Variants in HSPG2 observed in about 807,000 individuals in gnomAD.
HSPG2 encodes the protein basement membrane-specific heparan sulfate proteoglycan core protein.
Under a neutral mutation model 526.6 loss-of-function variants are expected in HSPG2, and 278 were observed. The ratio of observed to expected loss-of-function variants is 0.53; its 90% CI spans 0.48 to 0.58. The LOEUF (loss-of-function observed/expected upper bound fraction) is 0.58. HSPG2 is among the 20% of genes least tolerant of loss of function. HSPG2 has a pLI of 0.00. For missense variants in HSPG2, 5,354 were observed against 6,099.5 expected (o/e 0.88, Z 4.07); for synonymous variants, 2,465 against 2,555.4 (o/e 0.96, Z 1.07).
At position 21,850,723 on chromosome 1, in the gene HSPG2, C is replaced by T. The variant is rs1274339121; in HGVS notation, c.7159-225G>A. 2.0e-5 allele frequency among the ~76,000 whole-genome samples: 3 copies of T among 151,862 alleles called. No homozygotes were observed. The East Asian group carries it at 5.8e-4, about 29-fold the overall frequency. ...CACACCACATCCCATCAATTCTAGA[C>T]ACACATTTCGATGTCTCCAAAATCA... is the stretch of plus-strand genomic sequence containing the variant. On this transcript the variant is annotated intron_variant, in intron 55 of 96. Coordinates refer to ENST00000374695, the MANE Select transcript of HSPG2 (RefSeq NM_005529.7).
rs375038101 is a variant in HSPG2 at position 21,878,182 on chromosome 1, G to T, written c.2685+4C>A. ...CCTGGGTGGGTGGCAGATGGCACGC[G>T]TACCTTACAGCGGCAGGCCTCCCCG... On this transcript the variant is annotated splice_donor_region_variant and intron_variant, in intron 21 of 96. Coordinates refer to ENST00000374695, the MANE Select transcript of HSPG2 (RefSeq NM_005529.7). 1.2e-6 allele frequency: 2 copies of T among 1,613,294 alleles called. No homozygotes were observed. The highest frequency in any genetic ancestry group is 1.3e-5 in the African/African-American group (1 of 74,920).
Position 21,851,826 on chromosome 1 carries a change from G to A in HSPG2, c.6971C>T (p.Thr2324Ile), listed in dbSNP as rs929770638. The change falls in exon 54 of 97, where the codon ACA becomes ATA. Residue 2324 changes from threonine to isoleucine, a missense_variant. Thr to Ile is a moderately conservative substitution (Grantham distance 89, BLOSUM62 -1). Coordinates refer to ENST00000374695, the MANE Select transcript of HSPG2 (RefSeq NM_005529.7). ...GTTGGCCCCCTGGGTCCCAGTTACTGTGACCGTGATGGAGGCCTCCATGCC... is the reference window on the plus strand; with the variant it reads ...GTTGGCCCCCTGGGTCCCAGTTACTATGACCGTGATGGAGGCCTCCATGCC... Reference protein sequence around the residue: ...SNGMEASITVTVTGTQGANLA... With the variant: ...SNGMEASITVIVTGTQGANLA... The A allele has an allele frequency of 1.9e-6, 3 of 1,613,714 alleles. No individual in the cohort carries two copies. The highest frequency in any genetic ancestry group is 1.1e-5 in the South Asian group (1 of 91,086).
chr1:21,844,148 C>T lies in HSPG2; in HGVS notation c.8616G>A (p.Gln2872=), dbSNP rs1297317122. The T allele has an allele frequency of 6.2e-7, 1 of 1,612,964 alleles. No homozygotes were observed. The highest frequency in any genetic ancestry group is 1.1e-5 in the South Asian group (1 of 91,042). The change falls in exon 65 of 97, where the codon CAG becomes CAA. Residue 2872 remains glutamine (Q), a splice_region_variant and synonymous_variant. Coordinates refer to ENST00000374695, the MANE Select transcript of HSPG2 (RefSeq NM_005529.7). ...ATGCATCCTTCTCCAGCTCCTTTAC[C>T]TGGTGCCGGGCAGGGAGGTTTCCTC... ...KRGGNLPARH[Q]VHGPLLRLNQ...
chr1:21,827,695 G>A (rs1047933488), intron 91 of HSPG2, among the ~76,000 whole-genome samples, 168 bp downstream of exon 91: 3 of 152,240 alleles, frequency 2.0e-5, no homozygotes, highest in African/African-American at 7.2e-5. Flanking sequence ...CAGCCAGTAA[G>A]TGTGGGGCAG....
In HSPG2 at chr1:21,849,042, C is replaced by G. The variant is rs1557710886; in HGVS notation, c.7447-11G>C. On this transcript the variant is annotated splice_polypyrimidine_tract_variant and intron_variant, in intron 57 of 96. Coordinates refer to ENST00000374695, the MANE Select transcript of HSPG2 (RefSeq NM_005529.7). ...CCTCGAGCCATGCACCTGGGAGGGT[C>G]AGGAGGGAGGAGGCAGGCTCAGAGC... 6.2e-7 allele frequency: 1 copy of G among 1,613,166 alleles called. No individual in the cohort carries two copies. Among genetic ancestry groups the G allele is most frequent in the African/African-American group, 1.3e-5 (1 of 75,040 alleles).
Position 21,848,587 on chromosome 1 carries a change from T to C in HSPG2, c.7737+56A>G. On this transcript the variant is annotated intron_variant, in intron 59 of 96. Transcript: ENST00000374695. This position sits in a 1 kb window ranked among gnomAD's most constrained non-coding sequence, Gnocchi z 4.9. ...GTGAGGTGCTGAGAGTCCCCCCTCT[T>C]CCCATTGGGGGCTGGTGTGCCCTGC... 6.3e-7 allele frequency: 1 copy of C among 1,588,406 alleles called. No homozygotes were observed. Among genetic ancestry groups the C allele is most frequent in the Non-Finnish European group, 8.6e-7 (1 of 1,158,678 alleles).
Position 21,881,460 on chromosome 1 carries a change from A to AGGGGT in HSPG2, c.1692_1696dup (p.Leu566HisfsTer19). 1 of 1,613,128 alleles carries AGGGGT rather than the reference A, an allele frequency of 6.2e-7. No individual in the cohort carries two copies. Among genetic ancestry groups the AGGGGT allele is most frequent in the Non-Finnish European group, 8.5e-7 (1 of 1,179,986 alleles). ...GTCGATCTGCAGCTGCGTGGAGGAG[A>AGGGGT]GGGGTGGCGTGCCGGGCTGCGCAGG... On this transcript the variant is annotated frameshift_variant, in exon 14 of 97. Coordinates refer to ENST00000374695, the MANE Select transcript of HSPG2 (RefSeq NM_005529.7). LOFTEE classifies it high-confidence loss of function.
intron 1 of HSPG2, among the ~76,000 whole-genome samples, chr1:21,901,426 C>T (rs1643097118): frequency 1.3e-5 from 2 of 151,820 alleles, no homozygotes; most frequent in South Asian, 2.1e-4. Flanking sequence ...GGCCTGGGGT[C>T]GCCTCCAGAT....
intron 1 of HSPG2, among the ~76,000 whole-genome samples, chr1:21,929,582 GTTT>G (rs35937490): frequency 8.0e-6 from 1 of 125,168 alleles, no homozygotes; most frequent in Non-Finnish European, 1.7e-5. Context: ...CCACCTGCCG[GTTT>G]TTTTTTTTTT....
Position 21,854,265 on chromosome 1 carries a change from A to G in HSPG2, c.6367T>C (p.Ser2123Pro), listed in dbSNP as rs1477036635. The G allele has an allele frequency of 6.3e-7, 1 of 1,585,700 alleles. No individual in the cohort carries two copies. Among genetic ancestry groups the G allele is most frequent in the South Asian group, 1.2e-5 (1 of 86,742 alleles). The change falls in exon 50 of 97, where the codon TCG (serine) becomes CCG (proline). Residue 2123 changes from serine to proline, a missense_variant. Coordinates refer to ENST00000374695, the MANE Select transcript of HSPG2 (RefSeq NM_005529.7). Reference protein sequence around the residue: ...GEYVCRVENGSGPKEASITVS... With the variant: ...GEYVCRVENGPGPKEASITVS... ...GTAATGGAGGCCTCCTTGGGGCCCG[A>G]TCCATTCTCCACACGGCACACATAT...
chr1:21,823,974 A>G lies in HSPG2; in HGVS notation c.12899+147T>C, dbSNP rs372236191. The G allele has an allele frequency of 2.8e-4, 248 of 875,866 alleles. 2 individuals are homozygous for G. In the African/African-American group the frequency reaches 3.7e-3, roughly 13 times the overall value. 54.3% of individuals were successfully genotyped at this position (875,866 alleles called of 1,614,324 possible). ...GAGTTCAGTCCGAGATGGAAGCCCG[A>G]GCCCTGGCTGGTGGGTTCTCCCCTC... On this transcript the variant is annotated intron_variant, in intron 95 of 96. Coordinates refer to ENST00000374695, the MANE Select transcript of HSPG2 (RefSeq NM_005529.7).
intron 1 of HSPG2, among the ~76,000 whole-genome samples, chr1:21,910,158 G>T: frequency 6.6e-6 from 1 of 152,230 alleles, no homozygotes; most frequent in East Asian, 1.9e-4. Context: ...TTCCTCCCTG[G>T]GTCCCCCAGC....
At position 21,836,613 on chromosome 1, in the gene HSPG2, G is replaced by A. The variant is rs567615928; in HGVS notation, c.10355+189C>T. Among the ~76,000 whole-genome samples the A allele has an allele frequency of 1.8e-4, 27 of 152,304 alleles. No individual in the cohort carries two copies. In the East Asian group the frequency reaches 3.5e-3, roughly 20 times the overall value. ...GCTGGGATTACAGGCATGAGCCACC[G>A]TGCCTGGACCTCATTCAGTCTTATA... On this transcript the variant is annotated intron_variant, in intron 75 of 96. Transcript: ENST00000374695.
At chr1:21,930,786 A>G (rs988856789) in intron 1 of HSPG2, among the ~76,000 whole-genome samples, 1 of 152,188 alleles carries the variant, frequency 6.6e-6, no homozygotes, top group South Asian at 2.1e-4. Flanking sequence ...AAAAAAAAAA[A>G]AGATCTAGAA....
chr1:21,822,492 G>GTCCGTCC lies in HSPG2; in HGVS notation c.*817_*823dup. On this transcript the variant is annotated 3_prime_UTR_variant, in exon 97 of 97. Coordinates refer to ENST00000374695, the MANE Select transcript of HSPG2 (RefSeq NM_005529.7). ...CTCTTCCTGAGCACCAGCGGCATCC[G>GTCCGTCC]TCCGTCCGTTGTCTGTTGGAGGAGT... 4.5e-6 allele frequency: 2 copies of GTCCGTCC among 446,634 alleles called. No individual in the cohort carries two copies. Among genetic ancestry groups the GTCCGTCC allele is most frequent in the Non-Finnish European group, 8.3e-6 (2 of 240,752 alleles). 27.7% of individuals were successfully genotyped at this position (446,634 alleles called of 1,614,324 possible).
intron 46 of HSPG2, 35 bp downstream of exon 46, chr1:21,855,488 C>T (rs372499591): frequency 2.5e-6 from 4 of 1,611,990 alleles, no homozygotes; most frequent in African/African-American, 1.3e-5. Context: ...GGGCTGAGCA[C>T]ACTCCCGGCC....
At chr1:21,867,652 T>C (rs981806811) in intron 33 of HSPG2, among the ~76,000 whole-genome samples, 1 of 152,172 alleles carries the variant, frequency 6.6e-6, no homozygotes, top group Non-Finnish European at 1.5e-5. Flanking sequence ...CACCCTCGGC[T>C]CCAGCAGATT....
intron 62 of HSPG2, among the ~76,000 whole-genome samples, chr1:21,846,999 C>CA (rs34373270): frequency 0.011 from 1,517 of 140,706 alleles, 24 homozygotes; most frequent in African/African-American, 0.035. Context: ...GACTCCCTCT[C>CA]AAAAAAAAAA....
chr1:21,863,376 A>AAAAAAG (rs901633930), intron 37 of HSPG2, among the ~76,000 whole-genome samples: 8 of 152,038 alleles, frequency 5.3e-5, no homozygotes, highest in Non-Finnish European at 1.0e-4. Context: ...GTCTTGAAAA[A>AAAAAAG]AAAAAGAAAA....
Sources: allele counts gnomAD v4.1 joint callset (sites outside exome capture counted in the v4.1 genomes callset), GRCh38; gene constraint gnomAD v4.1.1; non-coding constraint Gnocchi (gnomAD v3.1); transcripts MANE v1.5; gene names NCBI Gene and HGNC (gene_info 2026-07-23, HGNC 2026-07-21).